TBL1X: variants seen among roughly 807,000 people sequenced by gnomAD.
TBL1X encodes the protein F-box-like/WD repeat-containing protein TBL1X.
In TBL1X, 10 loss-of-function variants were observed where a neutral mutation model predicts 50.7. The ratio of observed to expected loss-of-function variants is 0.20; its 90% confidence interval spans 0.12 to 0.33. The LOEUF is 0.33. Ranked by LOEUF, TBL1X falls within the 10% of genes least tolerant of loss-of-function variation. The pLI is 1.00. For synonymous variants in TBL1X, 190 were observed against 214.7 expected (o/e 0.88, Z 1.01); for missense variants, 340 against 504.4 (o/e 0.67, Z 3.12).
chrX:9,482,515 A>G (rs187539033), intron 1 of TBL1X, among the ~76,000 whole-genome samples: 1 of 112,113 alleles, frequency 8.9e-6, no homozygotes, highest in East Asian at 2.8e-4. Context: ...CTCTCTTTCT[A>G]ACAACATATA....
intron 2 of TBL1X, among the ~76,000 whole-genome samples, chrX:9,627,737 T>C (rs2082699826): frequency 3.6e-5 from 4 of 112,274 alleles, no homozygotes; most frequent in African/African-American, 1.3e-4. Flanking sequence ...AAATTGTGAA[T>C]TGCTTTCGTC....
chrX:9,492,911 AATG>A (rs2081954798), intron 1 of TBL1X, among the ~76,000 whole-genome samples: 1 of 92,751 alleles, frequency 1.1e-5, no homozygotes, highest in African/African-American at 4.4e-5. Context: ...GGGAGGAAGG[AATG>A]GAAGGATGAA....
chrX:9,546,377 G>C (rs1333180172), intron 2 of TBL1X, among the ~76,000 whole-genome samples: 2 of 111,638 alleles, frequency 1.8e-5, no homozygotes, highest in Non-Finnish European at 3.8e-5. Flanking sequence ...AGCTGGGCGT[G>C]GTGGCGGGCG....
At chrX:9,709,797 T>C (rs2083233965) in intron 15 of TBL1X, 37 bp downstream of exon 15, 10 of 1,198,639 alleles carry the variant, frequency 8.3e-6, no homozygotes, top group Non-Finnish European at 1.1e-5. Flanking sequence ...AGCTCGGTGT[T>C]ACACAAAGAC....
At chrX:9,485,377 A>G (rs977471342) in intron 1 of TBL1X, among the ~76,000 whole-genome samples, 1 of 112,043 alleles carries the variant, frequency 8.9e-6, no homozygotes, top group East Asian at 2.8e-4. Context: ...TGAAGCATCA[A>G]GCTCGCATTT....
At chrX:9,560,004 C>T (rs964098547) in intron 2 of TBL1X, among the ~76,000 whole-genome samples, 2 of 111,494 alleles carry the variant, frequency 1.8e-5, no homozygotes, top group African/African-American at 6.5e-5. Context: ...AGCTAGGCTG[C>T]GTGTTTTACA....
chrX:9,475,139 G>T lies in TBL1X; in HGVS notation c.-201+9692G>T, dbSNP rs1243206429. Among the ~76,000 whole-genome samples the T allele has an allele frequency of 3.6e-5, 4 of 112,500 alleles. No individual in the cohort carries two copies. In the East Asian group the frequency reaches 8.4e-4, roughly 24 times the overall value. ...TCCGCCCACCTTGGTCTCCCAAAGTGGTGGGATTACCGGCGTGAGCCACTG... is the reference window on the plus strand; with the variant it reads ...TCCGCCCACCTTGGTCTCCCAAAGTTGTGGGATTACCGGCGTGAGCCACTG... On this transcript the variant is annotated intron_variant, in intron 1 of 17. Transcript: ENST00000645353.
chrX:9,704,272 A>G (rs1264782472), intron 12 of TBL1X, among the ~76,000 whole-genome samples: 2 of 111,911 alleles, frequency 1.8e-5, no homozygotes, highest in Non-Finnish European at 3.8e-5. Flanking sequence ...TTTTTTTCAT[A>G]TTGAGGTATC....
intron 2 of TBL1X, among the ~76,000 whole-genome samples, chrX:9,607,630 C>G (rs2082590279): frequency 8.9e-6 from 1 of 112,764 alleles, no homozygotes; most frequent in Non-Finnish European, 1.9e-5. Flanking sequence ...GATGGCACTC[C>G]CACTTCTTGC....
intron 2 of TBL1X, among the ~76,000 whole-genome samples, chrX:9,636,063 C>T (rs968918976): frequency 8.9e-6 from 1 of 112,020 alleles, no homozygotes; most frequent in Admixed American, 9.5e-5. Flanking sequence ...CAAGAGGTCA[C>T]ATATTGTATG....
chrX:9,639,025 C>G (rs935950747), intron 2 of TBL1X, among the ~76,000 whole-genome samples: 6 of 111,615 alleles, frequency 5.4e-5, no homozygotes, highest in African/African-American at 1.9e-4. Context: ...AATTTAGTTT[C>G]ACTCTCATTA....
chrX:9,589,249 G>A (rs1791649310), intron 2 of TBL1X, among the ~76,000 whole-genome samples: 1 of 110,745 alleles, frequency 9.0e-6, no homozygotes, highest in African/African-American at 3.3e-5. Flanking sequence ...TGAATGGCTT[G>A]GCTTAAAACA....
At chrX:9,477,113 C>T (rs2081853765) in intron 1 of TBL1X, among the ~76,000 whole-genome samples, 1 of 111,869 alleles carries the variant, frequency 8.9e-6, no homozygotes, top group Non-Finnish European at 1.9e-5. Context: ...CATTATTTCC[C>T]AGTTCATCTT....
At chrX:9,607,596 C>T (rs1317470288) in intron 2 of TBL1X, among the ~76,000 whole-genome samples, 1 of 112,306 alleles carries the variant, frequency 8.9e-6, no homozygotes, top group South Asian at 3.6e-4. Flanking sequence ...AGCTTGTGGC[C>T]CTGGCCCTGA....
chrX:9,603,978 G>A (rs916353522), intron 2 of TBL1X, among the ~76,000 whole-genome samples: 1 of 111,656 alleles, frequency 9.0e-6, no homozygotes, highest in Non-Finnish European at 1.9e-5. Flanking sequence ...ACCCTGCTGC[G>A]ATTTGACCTC....
intron 1 of TBL1X, among the ~76,000 whole-genome samples, chrX:9,492,885 GTGTGTGTGTGT>G (rs2081953497): frequency 2.1e-5 from 1 of 48,763 alleles, no homozygotes; most frequent in Non-Finnish European, 4.1e-5. Flanking sequence ...GTGTGTGTGT[GTGTGTGTGTGT>G]GTAGGGGAGG....
chrX:9,490,858 A>AT (rs1369198720), intron 1 of TBL1X, among the ~76,000 whole-genome samples: 1 of 112,052 alleles, frequency 8.9e-6, no homozygotes, highest in Non-Finnish European at 1.9e-5. Flanking sequence ...GTGGGAAGAA[A>AT]TCTATGTTTT....
At chrX:9,705,904 T>C (rs910972102) in intron 13 of TBL1X, among the ~76,000 whole-genome samples, 3 of 110,886 alleles carry the variant, frequency 2.7e-5, no homozygotes, top group African/African-American at 6.6e-5. Context: ...CCTTAGGCTA[T>C]ACAGGAAGCA....
intron 2 of TBL1X, among the ~76,000 whole-genome samples, chrX:9,536,956 A>G (rs2082191247): frequency 8.9e-6 from 1 of 112,301 alleles, no homozygotes; most frequent in Non-Finnish European, 1.9e-5. Context: ...TGAATGCGCC[A>G]AGAAAGATTT....
Sources: gnomAD v4.1 joint callset for allele counts (sites outside exome capture counted in the v4.1 genomes callset) on GRCh38, gnomAD v4.1.1 for gene constraint, MANE v1.5 for transcripts, NCBI Gene and HGNC (gene_info 2026-07-23, HGNC 2026-07-21) for gene names.